NETO2: variants seen among roughly 807,000 people sequenced by gnomAD.
The protein encoded by NETO2 is neuropilin and tolloid like 2.
In NETO2, 28 loss-of-function variants were observed where a neutral mutation model predicts 62.5. The ratio of observed to expected loss-of-function variants is 0.45; its 90% CI spans 0.33 to 0.61. NETO2 has a LOEUF of 0.61. Ranked by LOEUF, NETO2 falls within the 20% of genes least tolerant of loss-of-function variation. The pLI is 0.02. For missense variants in NETO2, 548 were observed against 643.2 expected (o/e 0.85, Z 1.60); for synonymous variants, 214 against 219.1 (o/e 0.98, Z 0.21).
chr16:47,078,501 T>G lies in NETO2; in HGVS notation c.*4720A>C, dbSNP rs189184950. 6.6e-6 allele frequency: 1 copy of G among 152,248 alleles called. No homozygotes were observed. The highest frequency in any genetic ancestry group is 1.5e-5 in the Non-Finnish European group (1 of 68,036). 9.4% of individuals were successfully genotyped at this position (152,248 alleles called of 1,614,324 possible). A position where few individuals can be genotyped will look rare whatever the true frequency, so the allele number is the denominator to read the frequency against. On this transcript the variant is annotated 3_prime_UTR_variant, in exon 9 of 9. Transcript: ENST00000562435. Reference sequence around the variant, plus strand: ...TAGTCATTAGCTTTTTAGGCTTTGGTAGTCATTAAACCAATTGCAAAAATA... The same window carrying G: ...TAGTCATTAGCTTTTTAGGCTTTGGGAGTCATTAAACCAATTGCAAAAATA...
chr16:47,111,933 C>T (rs140132053), intron 6 of NETO2, among the ~76,000 whole-genome samples: 84 of 152,258 alleles, frequency 5.5e-4, no homozygotes, highest in African/African-American at 1.9e-3. Context: ...AAAAGGGATG[C>T]TATTTATTGG....
At chr16:47,135,821 A>G (rs1301430007) in intron 1 of NETO2, among the ~76,000 whole-genome samples, 1 of 152,182 alleles carries the variant, frequency 6.6e-6, no homozygotes, top group Non-Finnish European at 1.5e-5. Flanking sequence ...AGTGAATGCA[A>G]TAAATACTGG....
At chr16:47,130,894 T>C (rs1205402173) in intron 2 of NETO2, among the ~76,000 whole-genome samples, 1 of 152,090 alleles carries the variant, frequency 6.6e-6, no homozygotes, top group Non-Finnish European at 1.5e-5. Context: ...ACAGAAAAAG[T>C]GTTCTAACTC....
At chr16:47,119,187 TG>T (rs1241751706) in intron 6 of NETO2, among the ~76,000 whole-genome samples, 5 of 151,436 alleles carry the variant, frequency 3.3e-5, no homozygotes, top group African/African-American at 9.7e-5. Flanking sequence ...AGTCTTGCAC[TG>T]TTGCCCAGGC....
intron 8 of NETO2, 38 bp from the exon 9 acceptor site, chr16:47,083,839 T>C (rs576376332): frequency 2.1e-6 from 3 of 1,434,086 alleles, no homozygotes; most frequent in Admixed American, 2.1e-5. Flanking sequence ...GTTTTCAAAA[T>C]ACATTAATAT....
At position 47,129,247 on chromosome 16, in the gene NETO2, T is replaced by C. The variant is rs1395487506; in HGVS notation, c.209A>G (p.Lys70Arg). 6.2e-7 allele frequency: 1 copy of C among 1,613,950 alleles called. No individual in the cohort carries two copies. The highest frequency in any genetic ancestry group is 8.5e-7 in the Non-Finnish European group (1 of 1,179,942). Residue 70 changes from lysine to arginine, a missense_variant, in exon 3 of 9, where the codon AAG becomes AGG. Lys to Arg is a conservative substitution (Grantham distance 26). Coordinates refer to ENST00000562435, the MANE Select transcript of NETO2 (RefSeq NM_018092.5). The stretch of plus-strand genomic sequence containing the variant: ...ACCTTCCAAAATGTAGATACACTCC[T>C]TGTTTGGTGGATATGAGTCAGGATA... ...PNYPDSYPPN[K>R]ECIYILEAAP...
chr16:47,120,473 G>A (rs1416813148), intron 6 of NETO2, among the ~76,000 whole-genome samples: 1 of 152,022 alleles, frequency 6.6e-6, no homozygotes, highest in Non-Finnish European at 1.5e-5. Context: ...AGGATAAATG[G>A]GGGATCCATC....
At chr16:47,122,487 C>G (rs1189114813) in intron 6 of NETO2, among the ~76,000 whole-genome samples, 170 bp downstream of exon 6, 1 of 152,062 alleles carries the variant, frequency 6.6e-6, no homozygotes, top group African/African-American at 2.4e-5. Context: ...TATAATAATG[C>G]TGGGATCTTA....
chr16:47,113,834 C>T (rs1963853311), intron 6 of NETO2, among the ~76,000 whole-genome samples: 1 of 151,976 alleles, frequency 6.6e-6, no homozygotes, highest in African/African-American at 2.4e-5. Context: ...CTCAAGTGAT[C>T]CCCCCACCTC....
chr16:47,129,459 G>A, intron 2 of NETO2, 95 bp from the exon 3 acceptor site: 1 of 1,232,882 alleles, frequency 8.1e-7, no homozygotes. Context: ...CTCACTCTAT[G>A]CTACATATAT....
intron 1 of NETO2, among the ~76,000 whole-genome samples, chr16:47,133,753 A>G (rs568915507): frequency 6.6e-6 from 1 of 152,320 alleles, no homozygotes; most frequent in South Asian, 2.1e-4. Flanking sequence ...CTACAGCAGT[A>G]TAGTAGGTTA....
intron 1 of NETO2, among the ~76,000 whole-genome samples, chr16:47,135,140 C>A (rs1402019321): frequency 2.0e-5 from 3 of 152,204 alleles, no homozygotes; most frequent in Non-Finnish European, 4.4e-5. Context: ...TCATTATAAA[C>A]ACAGTTTCCT....
At chr16:47,107,784 A>G (rs1225471925) in intron 7 of NETO2, among the ~76,000 whole-genome samples, 2 of 152,130 alleles carry the variant, frequency 1.3e-5, no homozygotes, top group Non-Finnish European at 2.9e-5. Context: ...AGAAAACAAT[A>G]ATTTTTTTTT....
chr16:47,125,018 C>T (rs2151487711), intron 4 of NETO2, among the ~76,000 whole-genome samples: 1 of 152,240 alleles, frequency 6.6e-6, no homozygotes, highest in East Asian at 1.9e-4. Context: ...AAGTAAGTAT[C>T]TTTACATATG....
intron 7 of NETO2, among the ~76,000 whole-genome samples, chr16:47,104,603 A>T (rs1963630407): frequency 6.6e-6 from 1 of 152,230 alleles, no homozygotes; most frequent in African/African-American, 2.4e-5. Flanking sequence ...AAGTTGGAGG[A>T]CTCATACTTC....
At chr16:47,106,346 T>C (rs1235485676) in intron 7 of NETO2, among the ~76,000 whole-genome samples, 1 of 151,992 alleles carries the variant, frequency 6.6e-6, no homozygotes, top group Admixed American at 6.6e-5. Context: ...GAGTTTCAGT[T>C]TGGGATGATA....
In NETO2 at chr16:47,125,368, C is replaced by G. The variant is rs1964135357; in HGVS notation, c.482-2456G>C. On this transcript the variant is annotated intron_variant, in intron 4 of 8. Coordinates refer to ENST00000562435, the MANE Select transcript of NETO2 (RefSeq NM_018092.5). ...CTACTAGTTTTTTTTTTTTTTCTGA[C>G]AGATTCTTGCTCTGTTGCCCAGGCT... Among the ~76,000 whole-genome samples, 3 of 149,042 alleles carry G rather than the reference C, an allele frequency of 2.0e-5. No individual in the cohort carries two copies. In the East Asian group the frequency reaches 5.8e-4, roughly 29 times the overall value.
chr16:47,119,384 C>T (rs1963992078), intron 6 of NETO2, among the ~76,000 whole-genome samples: 1 of 151,990 alleles, frequency 6.6e-6, no homozygotes, highest in African/African-American at 2.4e-5. Context: ...ATTTCCTGAC[C>T]TCGTGATCTG....
intron 6 of NETO2, among the ~76,000 whole-genome samples, chr16:47,116,480 C>T (rs1405763011): frequency 1.3e-5 from 2 of 152,066 alleles, no homozygotes; most frequent in East Asian, 1.9e-4. Context: ...AGATAAACCA[C>T]GCTTTACTAT....
Sources: allele counts gnomAD v4.1 joint callset (sites outside exome capture counted in the v4.1 genomes callset), GRCh38; gene constraint gnomAD v4.1.1; transcripts MANE v1.5; gene names NCBI Gene and HGNC (gene_info 2026-07-23, HGNC 2026-07-21).